FHIT: variants seen among roughly 807,000 people sequenced by gnomAD.
FHIT encodes the protein fragile histidine triad diadenosine triphosphatase.
In FHIT, 19 loss-of-function variants were observed where a neutral mutation model predicts 17.9. The ratio of observed to expected loss-of-function variants is 1.06; its 90% CI spans 0.74 to 1.56. FHIT has a LOEUF of 1.56. FHIT is among the 40% of genes most tolerant of loss of function. The pLI is 0.00. For missense variants in FHIT, 248 were observed against 189.2 expected, an observed-to-expected ratio of 1.31 and a Z score of -1.82; for synonymous variants, 81 against 69.7, an observed-to-expected ratio of 1.16 and a Z score of -0.81.
chr3:61,031,822 G>A (rs541727413), intron 3 of FHIT, among the ~76,000 whole-genome samples: 6 of 150,350 alleles, frequency 4.0e-5, no homozygotes, highest in South Asian at 2.1e-4. Flanking sequence ...GAGCGCCATC[G>A]CCTGAGATTT....
At chr3:59,942,333 T>C (rs757342713) in intron 7 of FHIT, among the ~76,000 whole-genome samples, 1 of 152,020 alleles carries the variant, frequency 6.6e-6, no homozygotes, top group Non-Finnish European at 1.5e-5. Flanking sequence ...TACACTACCT[T>C]CCTCCTCCCC....
At chr3:59,889,850 C>T (rs574699795) in intron 8 of FHIT, among the ~76,000 whole-genome samples, 2 of 152,306 alleles carry the variant, frequency 1.3e-5, no homozygotes, top group South Asian at 4.1e-4. Flanking sequence ...AGAGAACATA[C>T]ATTGGCTGGA....
intron 5 of FHIT, among the ~76,000 whole-genome samples, chr3:60,119,893 G>A (rs959938992): frequency 6.6e-6 from 1 of 152,112 alleles, no homozygotes; most frequent in African/African-American, 2.4e-5. Flanking sequence ...TGGCTCCCCA[G>A]TGCTTTCAGA....
chr3:60,243,473 C>T (rs34443264), intron 5 of FHIT, among the ~76,000 whole-genome samples: 17,579 of 152,036 alleles, frequency 0.12, 1,161 homozygotes, highest in South Asian at 0.19. Context: ...TGACCTGTGC[C>T]TGCATACACT....
At chr3:60,570,442 G>T (rs2037335492) in intron 4 of FHIT, among the ~76,000 whole-genome samples, 1 of 152,086 alleles carries the variant, frequency 6.6e-6, no homozygotes, top group Admixed American at 6.6e-5. Flanking sequence ...GAGTGTTGAG[G>T]TAGGAAAGGG....
intron 3 of FHIT, among the ~76,000 whole-genome samples, chr3:60,846,688 T>C (rs1408875037): frequency 2.0e-5 from 3 of 152,230 alleles, no homozygotes; most frequent in African/African-American, 7.2e-5. Context: ...TGAGTTTTTA[T>C]CAGGTAGGTG....
chr3:60,477,380 G>A (rs144374505), intron 5 of FHIT, among the ~76,000 whole-genome samples: 2 of 152,248 alleles, frequency 1.3e-5, no homozygotes, highest in East Asian at 1.9e-4. Context: ...TGAGAGAGAT[G>A]CAGAGAGAGG....
At chr3:59,981,095 A>G (rs1478742532) in intron 7 of FHIT, among the ~76,000 whole-genome samples, 5 of 152,152 alleles carry the variant, frequency 3.3e-5, no homozygotes, top group Admixed American at 1.3e-4. Context: ...CAACAAAAAA[A>G]ACACTGGGTC....
At chr3:61,011,315 G>A (rs2031775714) in intron 3 of FHIT, among the ~76,000 whole-genome samples, 2 of 152,074 alleles carry the variant, frequency 1.3e-5, no homozygotes, top group Admixed American at 1.3e-4. Context: ...ACCACTTTCA[G>A]TATCAAATAA....
At chr3:60,130,114 G>T (rs376051772) in intron 5 of FHIT, among the ~76,000 whole-genome samples, 6 of 152,138 alleles carry the variant, frequency 3.9e-5, no homozygotes, top group South Asian at 2.1e-4. Context: ...CAATTCTACC[G>T]GAAAAAAGTG....
intron 8 of FHIT, among the ~76,000 whole-genome samples, chr3:59,844,202 T>A (rs1468902299): frequency 6.6e-6 from 1 of 152,160 alleles, no homozygotes; most frequent in African/African-American, 2.4e-5. Flanking sequence ...TCTCAGGTAT[T>A]CTTTTATAGC....
At chr3:60,968,894 C>T (rs986939458) in intron 3 of FHIT, among the ~76,000 whole-genome samples, 1 of 152,058 alleles carries the variant, frequency 6.6e-6, no homozygotes, top group African/African-American at 2.4e-5. Flanking sequence ...TTCAAATAAT[C>T]AGCTTGTATT....
At chr3:60,189,219 G>A (rs940262761) in intron 5 of FHIT, among the ~76,000 whole-genome samples, 2 of 151,782 alleles carry the variant, frequency 1.3e-5, no homozygotes, top group African/African-American at 4.8e-5. Flanking sequence ...TCTGACAGGT[G>A]TTCAATTTAG....
At position 60,307,914 on chromosome 3, in the gene FHIT, A is replaced by T. The variant is rs1049121307; in HGVS notation, c.103+228946T>A. On this transcript the variant is annotated intron_variant, in intron 5 of 9. Coordinates refer to ENST00000492590, the MANE Select transcript of FHIT (RefSeq NM_002012.4). ...TGTACTGTGATAATTGTTGCTAATG[A>T]TGCTGACAGTAGCCAACATTTACCA... Among the ~76,000 whole-genome samples, 8 of 152,248 alleles carry T rather than the reference A, an allele frequency of 5.3e-5. No individual in the cohort carries two copies. In the South Asian group the frequency reaches 1.0e-3, roughly 20 times the overall value.
intron 5 of FHIT, among the ~76,000 whole-genome samples, chr3:60,106,762 C>T (rs1704434488): frequency 6.6e-6 from 1 of 152,128 alleles, no homozygotes; most frequent in Admixed American, 6.5e-5. Context: ...CCAAAAGCCA[C>T]AATATTGATG....
chr3:60,129,341 CTCT>C lies in FHIT; in HGVS notation c.104-115192_104-115190del, dbSNP rs1425151565. Among the ~76,000 whole-genome samples the C allele has an allele frequency of 3.3e-5, 5 of 152,236 alleles. No homozygotes were observed. The East Asian group carries it at 9.7e-4, about 29-fold the overall frequency. On this transcript the variant is annotated intron_variant, in intron 5 of 9. Transcript: ENST00000492590. ...ACAGGCATGAGCCACTGTGCCTGGC[CTCT>C]TCTTTCTCTTTCTAAAAGCACATCA... is the stretch of plus-strand genomic sequence containing the variant.
At chr3:60,935,503 A>G (rs9830059) in intron 3 of FHIT, among the ~76,000 whole-genome samples, 146,982 of 152,308 alleles carry the variant, frequency 0.97, 71,140 homozygotes, top group East Asian at 1. Context: ...AAGAGAATAC[A>G]CAGGGAAATA....
At chr3:60,415,502 CT>C (rs1702214051) in intron 5 of FHIT, among the ~76,000 whole-genome samples, 1 of 138,986 alleles carries the variant, frequency 7.2e-6, no homozygotes, top group Admixed American at 6.9e-5. Flanking sequence ...GTGATTTGGC[CT>C]TTTAAAATAA....
At chr3:60,601,379 C>T (rs1206412004) in intron 4 of FHIT, among the ~76,000 whole-genome samples, 1 of 152,152 alleles carries the variant, frequency 6.6e-6, no homozygotes, top group Non-Finnish European at 1.5e-5. Context: ...GTGAGGCCCA[C>T]AGATTCCCCC....
Sources: allele counts gnomAD v4.1 joint callset (sites outside exome capture counted in the v4.1 genomes callset), GRCh38; gene constraint gnomAD v4.1.1; transcripts MANE v1.5; gene names NCBI Gene and HGNC (gene_info 2026-07-23, HGNC 2026-07-21).